Variants in CPVL observed in about 807,000 individuals in gnomAD.
CPVL encodes the protein probable serine carboxypeptidase CPVL.
Under a neutral mutation model 63.7 loss-of-function variants are expected in CPVL, and 51 were observed. That is an observed-to-expected ratio of 0.80 (90% CI 0.64 to 1.01). CPVL has a LOEUF of 1.01. Ranked by LOEUF, CPVL falls within the 50% of genes least tolerant of loss-of-function variation. CPVL has a pLI of 0.00. For synonymous variants in CPVL, 195 were observed against 206.0 expected, an observed-to-expected ratio of 0.95 and a Z score of 0.46; for missense variants, 530 against 573.1, an observed-to-expected ratio of 0.92 and a Z score of 0.77.
intron 1 of CPVL, among the ~76,000 whole-genome samples, chr7:29,133,525 C>G (rs558207474): frequency 2.0e-5 from 3 of 152,294 alleles, no homozygotes; most frequent in East Asian, 1.9e-4. Context: ...AATGAGAGTG[C>G]CTCTCAAAAG....
chr7:29,053,877 ACT>A (rs1379279730), intron 11 of CPVL, among the ~76,000 whole-genome samples: 5 of 147,264 alleles, frequency 3.4e-5, no homozygotes, highest in Non-Finnish European at 7.5e-5. Context: ...ATAGAACAAA[ACT>A]CTGTTTGTAC....
intron 11 of CPVL, among the ~76,000 whole-genome samples, 195 bp downstream of exon 11, chr7:29,063,866 C>T (rs562260707): frequency 4.6e-5 from 7 of 151,636 alleles, no homozygotes; most frequent in African/African-American, 1.7e-4. Flanking sequence ...GTCACCACAA[C>T]GGCAAAAGTG....
intron 11 of CPVL, among the ~76,000 whole-genome samples, chr7:29,035,625 G>T (rs1052646340): frequency 7.4e-6 from 1 of 135,850 alleles, no homozygotes; most frequent in Non-Finnish European, 1.5e-5. Context: ...CTTAAAAACA[G>T]GAGCTCCCGA....
At chr7:29,097,282 GCA>G (rs1786535565) in intron 3 of CPVL, among the ~76,000 whole-genome samples, 2 of 152,208 alleles carry the variant, frequency 1.3e-5, no homozygotes, top group African/African-American at 4.8e-5. Flanking sequence ...TATTTATTGA[GCA>G]CCCATTATGG....
rs190223858 is a variant in CPVL at position 29,115,096 on chromosome 7, C to T, written c.170-2274G>A. 2.7e-3 allele frequency among the ~76,000 whole-genome samples: 413 copies of T among 152,292 alleles called. 2 individuals carry two copies. The highest frequency in any genetic ancestry group is 0.01 in the Middle Eastern group (3 of 294). ...TTGCTCCATCTCTCTGAGCCTCTTT[C>T]CTTTTATGCAAAATATAAATACTGA... On this transcript the variant is annotated intron_variant, in intron 2 of 12. Transcript: ENST00000265394.
chr7:29,141,869 T>C (rs1048213351), intron 1 of CPVL, among the ~76,000 whole-genome samples: 14 of 151,100 alleles, frequency 9.3e-5, no homozygotes, highest in South Asian at 6.3e-4. Context: ...GAGCTGAGAT[T>C]GTGCCACCGC....
upstream of CPVL, among the ~76,000 whole-genome samples, chr7:29,149,597 C>A (rs1168471378): frequency 6.6e-6 from 1 of 152,172 alleles, no homozygotes; most frequent in Non-Finnish European, 1.5e-5. Context: ...GAGGTTGTAA[C>A]TGAGCAGCTA....
chr7:28,999,593 T>G (rs909475056), intron 12 of CPVL, among the ~76,000 whole-genome samples: 10 of 152,150 alleles, frequency 6.6e-5, no homozygotes, highest in African/African-American at 2.2e-4. Context: ...ACACACACCT[T>G]CCCTGTCCAT....
At chr7:29,066,471 C>A (rs55912239) in intron 9 of CPVL, among the ~76,000 whole-genome samples, 2 of 152,276 alleles carry the variant, frequency 1.3e-5, no homozygotes, top group Non-Finnish European at 2.9e-5. Context: ...CATGTGTGTG[C>A]ATGTGTGTAT....
chr7:29,187,498 C>T (rs1374502367), intron 1 of CPVL, among the ~76,000 whole-genome samples: 2 of 151,936 alleles, frequency 1.3e-5, no homozygotes, highest in Non-Finnish European at 1.5e-5. Context: ...CCGAGGTGGG[C>T]GGATCACCTG....
intron 11 of CPVL, among the ~76,000 whole-genome samples, chr7:29,031,919 T>G (rs1440972191): frequency 6.6e-6 from 1 of 152,196 alleles, no homozygotes; most frequent in Non-Finnish European, 1.5e-5. Context: ...AATGTACATA[T>G]TCACATATAT....
intron 5 of CPVL, among the ~76,000 whole-genome samples, chr7:29,153,498 A>G (rs781621085): frequency 6.6e-6 from 1 of 152,206 alleles, no homozygotes; most frequent in Non-Finnish European, 1.5e-5. Context: ...CAATGTGAAG[A>G]CAATGAGGAT....
Position 29,120,921 on chromosome 7 carries a change from A to C in CPVL, c.141T>G (p.Pro47=). Residue 47 remains proline, a synonymous_variant, in exon 2 of 13, where the codon CCT becomes CCG. Coordinates refer to ENST00000265394, the MANE Select transcript of CPVL (RefSeq NM_031311.5). ...GDSGQPLFLT[P]YIEAGKIQKG... ...TTTGGATCTTCCCAGCTTCAATGTA[A>C]GGGGTGAGAAATAATGGCTGTCCTG... 1 of 1,613,624 alleles carries C rather than the reference A, an allele frequency of 6.2e-7. No individual in the cohort carries two copies. Among genetic ancestry groups the C allele is most frequent in the Non-Finnish European group, 8.5e-7 (1 of 1,179,864 alleles).
chr7:29,065,121 T>TA (rs5883186), intron 10 of CPVL, among the ~76,000 whole-genome samples: 15,378 of 151,048 alleles, frequency 0.1, 1,017 homozygotes, highest in Middle Eastern at 0.14. Context: ...GTAAATGCTT[T>TA]AAAAAAAAAA....
intron 12 of CPVL, among the ~76,000 whole-genome samples, chr7:29,015,184 C>G (rs931875873): frequency 3.3e-5 from 5 of 152,222 alleles, no homozygotes; most frequent in African/African-American, 1.2e-4. Flanking sequence ...TTTAAGAACT[C>G]TTCTTTCATT....
intron 11 of CPVL, among the ~76,000 whole-genome samples, chr7:29,053,102 G>A (rs1423668943): frequency 2.6e-5 from 4 of 152,174 alleles, no homozygotes; most frequent in African/African-American, 4.8e-5. Context: ...AAAGCCCAAT[G>A]AGATAGCACT....
At chr7:29,005,424 T>C (rs531324567) in intron 12 of CPVL, among the ~76,000 whole-genome samples, 2 of 152,342 alleles carry the variant, frequency 1.3e-5, no homozygotes, top group African/African-American at 4.8e-5. Context: ...AAATGTTTCT[T>C]TTCCAGGCTT....
chr7:29,002,762 T>C (rs1784767766), intron 12 of CPVL, among the ~76,000 whole-genome samples: 3 of 151,650 alleles, frequency 2.0e-5, no homozygotes, highest in Admixed American at 2.0e-4. Context: ...TCGATCGATG[T>C]TTTAGCAATA....
chr7:29,126,090 A>G (rs886356894), intron 1 of CPVL, among the ~76,000 whole-genome samples: 1 of 152,252 alleles, frequency 6.6e-6, no homozygotes. Flanking sequence ...ATATGTTCAA[A>G]GTACTCAAAA....
Sources: allele counts gnomAD v4.1 joint callset (sites outside exome capture counted in the v4.1 genomes callset), GRCh38; gene constraint gnomAD v4.1.1; transcripts MANE v1.5; gene names NCBI Gene and HGNC (gene_info 2026-07-23, HGNC 2026-07-21).